The following INPP5F variants were observed in gnomAD, a reference collection of about 807,000 sequenced individuals.
INPP5F encodes the protein phosphatidylinositide 4-phosphatase SAC2.
Under a neutral mutation model 137.2 loss-of-function variants are expected in INPP5F, and 97 were observed. That is an observed-to-expected ratio of 0.71 (90% confidence interval 0.60 to 0.84). The LOEUF (loss-of-function observed/expected upper bound fraction) is 0.84. Ranked by LOEUF, INPP5F falls within the 40% of genes least tolerant of loss-of-function variation. The pLI is 0.00. For synonymous variants in INPP5F, 504 were observed against 476.9 expected, an observed-to-expected ratio of 1.06 and a Z score of -0.74; for missense variants, 1,271 against 1,371.9, an observed-to-expected ratio of 0.93 and a Z score of 1.16.
intron 15 of INPP5F, among the ~76,000 whole-genome samples, chr10:119,814,310 C>G (rs1281217673): frequency 6.6e-6 from 1 of 152,018 alleles, no homozygotes; most frequent in Non-Finnish European, 1.5e-5. Context: ...TTGCTTGAAC[C>G]CGGCAGGCGG....
At chr10:119,778,578 T>C (rs1849600686) in intron 2 of INPP5F, among the ~76,000 whole-genome samples, 1 of 152,080 alleles carries the variant, frequency 6.6e-6, no homozygotes. Context: ...TTATTAAAGG[T>C]TTCTTTAGGT....
At chr10:119,819,873 C>T (rs1273400324) in intron 15 of INPP5F, 3 of 195,906 alleles carry the variant, frequency 1.5e-5, no homozygotes, top group Middle Eastern at 1.7e-3. Flanking sequence ...ACAATGACCT[C>T]ATTCTTACGC....
Position 119,765,741 on chromosome 10 carries a change from C to CTGTGTG in INPP5F, c.178+14623_178+14628dup, listed in dbSNP as rs34906556. ...AACTCCTGCATTGTTCAAGGGTAAA[C>CTGTGTG]TGTGTGTGTGTGTGTGTGTGTGTGT... On this transcript the variant is annotated intron_variant, in intron 2 of 19. Transcript: ENST00000650623. Among the ~76,000 whole-genome samples, 1,004 of 127,684 alleles carry CTGTGTG rather than the reference C, an allele frequency of 7.9e-3. 12 individuals carry two copies. The highest frequency in any genetic ancestry group is 0.015 in the African/African-American group (510 of 33,212). 83.8% of individuals were successfully genotyped at this position (127,684 alleles called of 152,430 possible).
chr10:119,818,199 C>G (rs963005159), intron 15 of INPP5F, among the ~76,000 whole-genome samples: 5 of 152,258 alleles, frequency 3.3e-5, no homozygotes, highest in African/African-American at 1.2e-4. Flanking sequence ...TTGTCCTTTC[C>G]CGCCCGTTAT....
chr10:119,796,038 G>C (rs1397886232), intron 6 of INPP5F, among the ~76,000 whole-genome samples: 1 of 148,638 alleles, frequency 6.7e-6, no homozygotes, highest in Non-Finnish European at 1.5e-5. Flanking sequence ...GTACCGTCCA[G>C]CTTCGGCTGG....
At chr10:119,826,610 T>C in intron 19 of INPP5F, 21 bp from the exon 20 acceptor site, 1 of 1,539,080 alleles carries the variant, frequency 6.5e-7, no homozygotes, top group Non-Finnish European at 8.7e-7. Flanking sequence ...GAATTAACTT[T>C]TTTTCTCTTC....
chr10:119,803,506 G>A (rs1478709035), intron 9 of INPP5F, among the ~76,000 whole-genome samples: 2 of 152,198 alleles, frequency 1.3e-5, no homozygotes, highest in Non-Finnish European at 2.9e-5. Context: ...CTATTTCTAC[G>A]CTAGTATGAC....
At chr10:119,788,653 A>C (rs980513542) in intron 3 of INPP5F, among the ~76,000 whole-genome samples, 2 of 152,152 alleles carry the variant, frequency 1.3e-5, no homozygotes, top group African/African-American at 4.8e-5. Flanking sequence ...AGTGGATTCC[A>C]TGTTTGAGGA....
intron 15 of INPP5F, chr10:119,819,522 A>T: frequency 1.2e-6 from 2 of 1,605,306 alleles, no homozygotes; most frequent in Admixed American, 1.7e-5. Context: ...GGCTCAAGCA[A>T]CAATTTTCAG....
At chr10:119,812,711 A>G (rs1419408596) in intron 15 of INPP5F, among the ~76,000 whole-genome samples, 4 of 152,232 alleles carry the variant, frequency 2.6e-5, no homozygotes, top group African/African-American at 4.8e-5. Flanking sequence ...ATCCCATGAT[A>G]TTAATCTCAT....
chr10:119,779,234 C>A (rs1849624080), intron 2 of INPP5F, among the ~76,000 whole-genome samples: 1 of 152,086 alleles, frequency 6.6e-6, no homozygotes, highest in Non-Finnish European at 1.5e-5. Context: ...AAGAATGGTA[C>A]ACCTGTATTG....
At chr10:119,746,758 G>A (rs1848545090) in intron 1 of INPP5F, among the ~76,000 whole-genome samples, 1 of 151,710 alleles carries the variant, frequency 6.6e-6, no homozygotes, top group Admixed American at 6.6e-5. Flanking sequence ...AATCATAGAA[G>A]ATGACATGAC....
rs576476771 is a variant in INPP5F at position 119,798,477 on chromosome 10, T to C, written c.1049-66T>C. On this transcript the variant is annotated intron_variant, in intron 8 of 19. Coordinates refer to ENST00000650623, the MANE Select transcript of INPP5F (RefSeq NM_014937.4). Reference sequence around the variant, plus strand: ...AATTATTTAAAAGTAAGAATAAAGATGGAGTAGACACTAATATGTCTTAAA... The same window carrying C: ...AATTATTTAAAAGTAAGAATAAAGACGGAGTAGACACTAATATGTCTTAAA... The C allele has an allele frequency of 4.0e-6, 4 of 1,009,470 alleles. No homozygotes were observed. The Admixed American group carries it at 6.3e-5, about 16-fold the overall frequency. 62.5% of individuals were successfully genotyped at this position (1,009,470 alleles called of 1,614,324 possible).
chr10:119,741,436 G>A (rs61867879), intron 1 of INPP5F, among the ~76,000 whole-genome samples: 6,737 of 152,232 alleles, frequency 0.044, 243 homozygotes, highest in South Asian at 0.22. Context: ...CAAACTATTT[G>A]GAGTCTTCTT....
At chr10:119,771,882 A>ATTTT (rs544724525) in intron 2 of INPP5F, among the ~76,000 whole-genome samples, 1 of 24,166 alleles carries the variant, frequency 4.1e-5, no homozygotes, top group African/African-American at 1.9e-4. Context: ...ATATATATAT[A>ATTTT]TTTTTTTTTT....
At chr10:119,822,388 T>A (rs1159201899) in intron 16 of INPP5F, 43 bp from the exon 17 acceptor site, 1 of 1,124,234 alleles carries the variant, frequency 8.9e-7, no homozygotes, top group Non-Finnish European at 1.3e-6. Flanking sequence ...CCAAATATGC[T>A]TTTGATTTAA....
In INPP5F at chr10:119,806,863, A is replaced by AG. The variant is rs1311998819; in HGVS notation, c.1440+386dup. Reference sequence around the variant, plus strand: ...TGCTCTGTTGCCCAGGCTGTTGGGGAGGGAGCTGCTGACGGGAGGAACACA... The same window carrying AG: ...TGCTCTGTTGCCCAGGCTGTTGGGGAGGGGAGCTGCTGACGGGAGGAACACA... On this transcript the variant is annotated intron_variant, in intron 12 of 19. Transcript: ENST00000650623. Among the ~76,000 whole-genome samples, 32 of 141,846 alleles carry AG rather than the reference A, an allele frequency of 2.3e-4. 1 individual carries two copies. The Admixed American group carries it at 2.3e-3, about 10-fold the overall frequency. The allele number at this position is 141,846 out of a possible 152,430, so 93.1% of individuals were successfully genotyped here.
chr10:119,772,048 C>T (rs1427681998), intron 2 of INPP5F, among the ~76,000 whole-genome samples: 1 of 150,490 alleles, frequency 6.6e-6, no homozygotes, highest in Admixed American at 6.6e-5. Context: ...CGGGTGCCCG[C>T]CACCACGCCG....
intron 2 of INPP5F, among the ~76,000 whole-genome samples, chr10:119,775,751 T>G (rs1478720052): frequency 1.3e-5 from 2 of 152,180 alleles, no homozygotes; most frequent in Non-Finnish European, 2.9e-5. Context: ...TTGGTTTGAT[T>G]ATATTGCTCT....
Sources: allele counts gnomAD v4.1 joint callset (sites outside exome capture counted in the v4.1 genomes callset), GRCh38; gene constraint gnomAD v4.1.1; transcripts MANE v1.5; gene names NCBI Gene and HGNC (gene_info 2026-07-23, HGNC 2026-07-21).